The following RNF150 variants were observed in gnomAD, a reference collection of about 807,000 sequenced individuals.
RNF150 encodes the protein ring finger protein 150.
A neutral mutation model predicts 39.3 loss-of-function variants in RNF150; 24 were observed. The observed-to-expected ratio is 0.61, with a 90% CI of 0.44 to 0.86. RNF150 has a LOEUF of 0.86. RNF150 is among the 40% of genes least tolerant of loss of function. RNF150 has a pLI of 0.00. For missense variants in RNF150, 502 were observed against 587.8 expected, an observed-to-expected ratio of 0.85 and a Z score of 1.51; for synonymous variants, 255 against 227.3, an observed-to-expected ratio of 1.12 and a Z score of -1.10.
Position 141,133,036 on chromosome 4 carries a change from T to A in RNF150, c.-228A>T. ...CTGTAGCGCGGTGGTTGCATTTTGC[T>A]TCTTGGGCGCCCGGGGGGCGCGGGA... On this transcript the variant is annotated 5_prime_UTR_variant, in exon 1 of 7. In the 5' UTR this introduces an upstream ATG that the reference lacks. Coordinates refer to ENST00000515673, the MANE Select transcript of RNF150 (RefSeq NM_020724.2). 1 of 444,224 alleles carries A rather than the reference T, an allele frequency of 2.3e-6. No homozygotes were observed. The highest frequency in any genetic ancestry group is 4.6e-5 in the East Asian group (1 of 21,830). 27.5% of individuals were successfully genotyped at this position (444,224 alleles called of 1,614,324 possible). A position where few individuals can be genotyped will look rare whatever the true frequency, so the allele number is the denominator to read the frequency against.
chr4:141,034,329 G>T (rs1236538819), intron 1 of RNF150, among the ~76,000 whole-genome samples: 1 of 152,164 alleles, frequency 6.6e-6, no homozygotes, highest in Non-Finnish European at 1.5e-5. Flanking sequence ...TACCATTGAA[G>T]AGAATTAGGG....
chr4:141,117,668 A>G (rs1261756657), intron 1 of RNF150, among the ~76,000 whole-genome samples: 2 of 152,214 alleles, frequency 1.3e-5, no homozygotes, highest in Non-Finnish European at 2.9e-5. Flanking sequence ...TGACTATGTA[A>G]GAAATAGCTC....
At chr4:140,939,235 T>C (rs979568739) in intron 4 of RNF150, among the ~76,000 whole-genome samples, 6 of 152,230 alleles carry the variant, frequency 3.9e-5, no homozygotes, top group Non-Finnish European at 8.8e-5. Flanking sequence ...TTCTGTTTTT[T>C]ATTTTTGGTC....
chr4:140,960,612 A>C (rs1196654379), intron 2 of RNF150, among the ~76,000 whole-genome samples: 1 of 152,178 alleles, frequency 6.6e-6, no homozygotes, highest in East Asian at 1.9e-4. Context: ...GAGTTGATCA[A>C]CAATGGCCAA....
At chr4:140,945,586 A>G (rs529623730) in intron 4 of RNF150, among the ~76,000 whole-genome samples, 1 of 147,890 alleles carries the variant, frequency 6.8e-6, no homozygotes, top group Non-Finnish European at 1.5e-5. Flanking sequence ...TATATATACT[A>G]CATATATACA....
At chr4:141,134,357 G>C (rs1224044157), upstream of RNF150, among the ~76,000 whole-genome samples, 3 of 152,284 alleles carry the variant, frequency 2.0e-5, no homozygotes, top group East Asian at 5.8e-4. Flanking sequence ...GGCTTGAGAT[G>C]CCTGCCATAT....
chr4:141,155,656 G>A (rs909041856), intron 1 of RNF150, among the ~76,000 whole-genome samples: 2 of 152,124 alleles, frequency 1.3e-5, no homozygotes, highest in African/African-American at 4.8e-5. Flanking sequence ...ACTTTGGGGT[G>A]GAGACAACAT....
intron 2 of RNF150, among the ~76,000 whole-genome samples, chr4:140,953,111 CAT>C (rs1732604922): frequency 6.6e-6 from 1 of 152,176 alleles, no homozygotes. Context: ...TGGACTACTG[CAT>C]ATGTGTGGTC....
chr4:140,888,165 T>G (rs1345784306), intron 6 of RNF150, among the ~76,000 whole-genome samples: 1 of 152,198 alleles, frequency 6.6e-6, no homozygotes, highest in Non-Finnish European at 1.5e-5. Context: ...TTAGTTGGTT[T>G]GAAAGCAGGT....
intron 1 of RNF150, among the ~76,000 whole-genome samples, chr4:141,190,590 G>A (rs758356631): frequency 6.6e-6 from 1 of 152,136 alleles, no homozygotes; most frequent in Non-Finnish European, 1.5e-5. Flanking sequence ...CATTAGAAAC[G>A]CCTTGCTTGC....
intron 1 of RNF150, among the ~76,000 whole-genome samples, chr4:141,102,237 C>T (rs984428415): frequency 1.3e-4 from 20 of 152,076 alleles, no homozygotes; most frequent in South Asian, 2.1e-4. Context: ...TTCTTCAATA[C>T]GAATGCTGTT....
At chr4:140,947,802 CA>C in intron 3 of RNF150, 66 bp from the exon 4 acceptor site, 1 of 1,147,348 alleles carries the variant, frequency 8.7e-7, no homozygotes. Flanking sequence ...ATATCCAAGC[CA>C]AAACCCAAGG....
intron 1 of RNF150, among the ~76,000 whole-genome samples, chr4:141,161,364 A>T (rs200467423): frequency 6.6e-6 from 1 of 152,216 alleles, no homozygotes; most frequent in East Asian, 1.9e-4. Flanking sequence ...GGCTTCTTCT[A>T]ACAACCTATG....
chr4:140,929,405 C>A (rs1363169320), intron 4 of RNF150, among the ~76,000 whole-genome samples: 1 of 126,690 alleles, frequency 7.9e-6, no homozygotes, highest in Non-Finnish European at 1.6e-5. Context: ...CTTGCTCTGT[C>A]GCCCAGGCTG....
At chr4:141,194,389 G>T (rs925723750) in intron 1 of RNF150, among the ~76,000 whole-genome samples, 4 of 151,900 alleles carry the variant, frequency 2.6e-5, no homozygotes, top group African/African-American at 9.7e-5. Context: ...AGAACTATAC[G>T]GTATTTTCAC....
In RNF150 at chr4:140,999,886, C is replaced by T. The variant is rs544026027; in HGVS notation, c.485-32013G>A. On this transcript the variant is annotated intron_variant, in intron 1 of 6. Coordinates refer to ENST00000515673, the MANE Select transcript of RNF150 (RefSeq NM_020724.2). The stretch of plus-strand genomic sequence containing the variant: ...GGAGGCAGACATTGTAGTAGTGAGC[C>T]GAGATCACGCCACTGCACTCCAGCC... Among the ~76,000 whole-genome samples the T allele has an allele frequency of 2.1e-4, 31 of 148,558 alleles. No homozygotes were observed. The South Asian group carries it at 5.2e-3, about 25-fold the overall frequency.
At chr4:141,052,543 T>C (rs900594719) in intron 1 of RNF150, among the ~76,000 whole-genome samples, 2 of 152,036 alleles carry the variant, frequency 1.3e-5, no homozygotes, top group Admixed American at 1.3e-4. Flanking sequence ...GCCCAGCTAA[T>C]TTTTGTATTT....
At chr4:141,046,869 T>A (rs73849499) in intron 1 of RNF150, among the ~76,000 whole-genome samples, 3 of 152,126 alleles carry the variant, frequency 2.0e-5, no homozygotes, top group African/African-American at 7.2e-5. Context: ...TTTCACCTTC[T>A]TTGCAAGTAC....
chr4:141,017,681 C>T (rs1355863549), intron 1 of RNF150, among the ~76,000 whole-genome samples: 1 of 152,176 alleles, frequency 6.6e-6, no homozygotes, highest in East Asian at 1.9e-4. Flanking sequence ...CACTTGCAAC[C>T]ACTGATCTTT....
Sources: gnomAD v4.1 joint callset for allele counts (sites outside exome capture counted in the v4.1 genomes callset) on GRCh38, gnomAD v4.1.1 for gene constraint, MANE v1.5 for transcripts, NCBI Gene and HGNC (gene_info 2026-07-23, HGNC 2026-07-21) for gene names.